The following ZFYVE26 variants were observed in gnomAD, a reference collection of about 807,000 sequenced individuals.
ZFYVE26 encodes the protein zinc finger FYVE domain-containing protein 26.
ZFYVE26 carries 181 observed loss-of-function variants against 276.5 expected under a neutral mutation model. The observed-to-expected ratio is 0.65, with a 90% CI of 0.58 to 0.74. The LOEUF is 0.74. Among genes scored for constraint, ZFYVE26 ranks in the 30% least tolerant of loss-of-function variants. The pLI is 0.00. For synonymous variants in ZFYVE26, 1,129 were observed against 1,203.1 expected, an observed-to-expected ratio of 0.94 and a Z score of 1.27; for missense variants, 2,821 against 3,097.9, an observed-to-expected ratio of 0.91 and a Z score of 2.12.
chr14:67,731,210 T>TC (rs2038268656), intron 13 of ZFYVE26, among the ~76,000 whole-genome samples: 1 of 106,860 alleles, frequency 9.4e-6, no homozygotes, highest in Non-Finnish European at 2.0e-5. Flanking sequence ...TTTCTTTCTT[T>TC]TTTTTTTTTT....
At chr14:67,731,439 T>A (rs1044580201) in intron 13 of ZFYVE26, among the ~76,000 whole-genome samples, 1 of 151,914 alleles carries the variant, frequency 6.6e-6, no homozygotes, top group African/African-American at 2.4e-5. Flanking sequence ...GGTCTTGAAC[T>A]CCTGACCTCA....
chr14:67,806,952 A>G (rs540090623), intron 5 of ZFYVE26, among the ~76,000 whole-genome samples: 51 of 152,082 alleles, frequency 3.4e-4, no homozygotes, highest in African/African-American at 1.2e-3. Context: ...TTATTTTGAG[A>G]TAGGGTCTCA....
chr14:67,733,955 C>T (rs981514858), intron 13 of ZFYVE26: 53 of 761,804 alleles, frequency 7.0e-5, no homozygotes, highest in East Asian at 4.3e-4. Flanking sequence ...GCTGGTGCTG[C>T]GAATCCTGCC....
At chr14:67,781,662 T>G in intron 21 of ZFYVE26, 133 bp from the exon 22 acceptor site, 1 of 785,782 alleles carries the variant, frequency 1.3e-6, no homozygotes, top group Admixed American at 2.3e-5. Flanking sequence ...AAGATGGATG[T>G]GATCTTAACT....
At chr14:67,808,993 G>A (rs549421439) in intron 4 of ZFYVE26, among the ~76,000 whole-genome samples, 2 of 152,104 alleles carry the variant, frequency 1.3e-5, no homozygotes, top group African/African-American at 2.4e-5. Context: ...AGTTATACTT[G>A]GTACTTCTGG....
chr14:67,755,527 T>C (rs969110497), intron 36 of ZFYVE26, among the ~76,000 whole-genome samples: 4 of 152,212 alleles, frequency 2.6e-5, no homozygotes, highest in African/African-American at 4.8e-5. Flanking sequence ...GCTTCACTTG[T>C]ACTTTGGCAT....
In ZFYVE26 at chr14:67,785,040, C is replaced by T. The variant is rs199903013; in HGVS notation, c.3523+19G>A. On this transcript the variant is annotated intron_variant, in intron 19 of 41. Transcript: ENST00000347230. Reference sequence around the variant, plus strand: ...TTGCAGGTCTGCCATGAATCTATTGCCTCTTTCTTGCTACCTACCAGGCTC... The same window carrying T: ...TTGCAGGTCTGCCATGAATCTATTGTCTCTTTCTTGCTACCTACCAGGCTC... 5.1e-5 allele frequency: 82 copies of T among 1,613,420 alleles called. No homozygotes were observed. Among genetic ancestry groups the T allele is most frequent in the Non-Finnish European group, 6.7e-5 (79 of 1,179,468 alleles).
chr14:67,797,937 T>A, intron 11 of ZFYVE26, 77 bp downstream of exon 11: 1 of 1,608,998 alleles, frequency 6.2e-7, no homozygotes, highest in Non-Finnish European at 8.5e-7. Flanking sequence ...TCCTATGTAC[T>A]CCTAGCTCTC....
intron 41 of ZFYVE26, among the ~76,000 whole-genome samples, chr14:67,749,230 C>T (rs1039457443): frequency 5.3e-5 from 8 of 152,102 alleles, no homozygotes; most frequent in Admixed American, 6.5e-5. Flanking sequence ...TTTCTGTTTT[C>T]GGCCAGCTGA....
chr14:67,797,619 C>G (rs753832608), intron 12 of ZFYVE26, 53 bp downstream of exon 12: 1 of 1,573,514 alleles, frequency 6.4e-7, no homozygotes, highest in Admixed American at 1.7e-5. Context: ...GAGTATTAGA[C>G]AAGCAGCATT....
In ZFYVE26 at chr14:67,783,344, G is replaced by C; in HGVS notation, c.3808C>G (p.Leu1270Val). ...GTCCTCGGGGAGCTCGGTGTAGAAA[G>C]TGGGAGGTCATCCAGGCAGTGAGAG... ...HASHCLDDLP[L>V]STPSSPRTTE... The change falls in exon 21 of 42, where the codon CTT (leucine) becomes GTT (valine). Residue 1270 changes from leucine to valine, a missense_variant. Coordinates refer to ENST00000347230, the MANE Select transcript of ZFYVE26 (RefSeq NM_015346.4). 1.2e-6 allele frequency: 2 copies of C among 1,613,134 alleles called. No homozygotes were observed. The highest frequency in any genetic ancestry group is 1.3e-5 in the African/African-American group (1 of 74,996).
chr14:67,809,782 CTTTTT>C (rs58842467), intron 3 of ZFYVE26, among the ~76,000 whole-genome samples: 173 of 120,112 alleles, frequency 1.4e-3, no homozygotes, highest in Middle Eastern at 5.2e-3. Context: ...ATTCTTTTCT[CTTTTT>C]TTTTTTTTTT....
At position 67,805,096 on chromosome 14, in the gene ZFYVE26, G is replaced by A. The variant is rs1235826993; in HGVS notation, c.1271+121C>T. On this transcript the variant is annotated intron_variant, in intron 8 of 41. Coordinates refer to ENST00000347230, the MANE Select transcript of ZFYVE26 (RefSeq NM_015346.4). The stretch of plus-strand genomic sequence containing the variant: ...TTAATTGTTGGAACAATTTTTAGTA[G>A]CTGGTCAACATTGCCAACTCAAAAC... 5 of 898,146 alleles carry A rather than the reference G, an allele frequency of 5.6e-6. No individual in the cohort carries two copies. In the East Asian group the frequency reaches 1.3e-4, roughly 24 times the overall value. 55.6% of individuals were successfully genotyped at this position (898,146 alleles called of 1,614,324 possible).
chr14:67,805,689 T>G (rs1282988802), intron 6 of ZFYVE26, 71 bp from the exon 7 acceptor site: 1 of 1,542,068 alleles, frequency 6.5e-7, no homozygotes, highest in East Asian at 2.2e-5. Flanking sequence ...TTACTGCTCT[T>G]TAGAGAAAGA....
At chr14:67,781,287 T>A in intron 22 of ZFYVE26, 46 bp downstream of exon 22, 2 of 1,604,680 alleles carry the variant, frequency 1.2e-6, no homozygotes, top group Non-Finnish European at 1.7e-6. Flanking sequence ...GGGTTGATCA[T>A]AGAGTGAGAA....
At position 67,766,891 on chromosome 14, in the gene ZFYVE26, C is replaced by T. The variant is rs370871474; in HGVS notation, c.5791-444G>A. ...ATTTTTGTATTTTTTTTTGTAGAGA[C>T]GGGGATTTCACCATGTTGCCCAGGC... is the stretch of plus-strand genomic sequence containing the variant. On this transcript the variant is annotated intron_variant, in intron 31 of 41. Transcript: ENST00000347230. 4.6e-5 allele frequency among the ~76,000 whole-genome samples: 7 copies of T among 151,674 alleles called. No individual in the cohort carries two copies. The East Asian group carries it at 5.8e-4, about 13-fold the overall frequency.
intron 13 of ZFYVE26, among the ~76,000 whole-genome samples, chr14:67,739,569 C>T (rs1175131517): frequency 1.3e-5 from 2 of 151,560 alleles, no homozygotes; most frequent in African/African-American, 2.4e-5. Context: ...CAGATATCTT[C>T]CTGACCTACT....
intron 34 of ZFYVE26, 121 bp downstream of exon 34, chr14:67,762,082 C>T: frequency 8.0e-7 from 1 of 1,248,480 alleles, no homozygotes; most frequent in Non-Finnish European, 1.1e-6. Context: ...AATTTTTAAC[C>T]TGCTTGATGC....
Position 67,761,360 on chromosome 14 carries a change from T to TC in ZFYVE26, c.6588+5dup. ...ACTGCCTTTTTGAGCTGTGTCCATG[T>TC]CCCACCTTGTTGAGAAGGTGCAGAA... On this transcript the variant is annotated splice_donor_region_variant and intron_variant, in intron 35 of 41. Transcript: ENST00000347230. 6.2e-7 allele frequency: 1 copy of TC among 1,610,628 alleles called. No homozygotes were observed. The highest frequency in any genetic ancestry group is 8.5e-7 in the Non-Finnish European group (1 of 1,178,150).
Sources: allele counts gnomAD v4.1 joint callset (sites outside exome capture counted in the v4.1 genomes callset), GRCh38; gene constraint gnomAD v4.1.1; transcripts MANE v1.5; gene names NCBI Gene and HGNC (gene_info 2026-07-23, HGNC 2026-07-21).